The following SPIRE1 variants were observed in gnomAD, a reference collection of about 807,000 sequenced individuals.
SPIRE1 encodes spire type actin nucleation factor 1.
In SPIRE1, 40 loss-of-function variants were observed where a neutral mutation model predicts 94.1. The ratio of observed to expected loss-of-function variants is 0.43; its 90% CI spans 0.33 to 0.55. The LOEUF (loss-of-function observed/expected upper bound fraction) is 0.55, where lower values mean the gene tolerates loss of function less well. SPIRE1 is among the 20% of genes least tolerant of loss of function. SPIRE1 has a pLI of 0.06. For missense variants in SPIRE1, 838 were observed against 975.2 expected (o/e 0.86, Z 1.87); for synonymous variants, 376 against 371.7 (o/e 1.01, Z -0.13).
upstream of SPIRE1, chr18:12,658,879 A>T: frequency 3.5e-6 from 1 of 286,762 alleles, no homozygotes; most frequent in South Asian, 2.9e-5. Context: ...TGCAGGTGTT[A>T]GTTTTAGCGT....
chr18:12,477,626 A>T (rs1379491820), intron 10 of SPIRE1, among the ~76,000 whole-genome samples: 1 of 152,196 alleles, frequency 6.6e-6, no homozygotes, highest in Non-Finnish European at 1.5e-5. Context: ...CAGGGTGTTA[A>T]AGTGTTCCAG....
At chr18:12,633,691 A>C (rs139933591) in intron 2 of SPIRE1, among the ~76,000 whole-genome samples, 2,285 of 152,342 alleles carry the variant, frequency 0.015, 24 homozygotes, top group Non-Finnish European at 0.025. Flanking sequence ...CATTTAAAAC[A>C]ACAGTTAAAA....
chr18:12,529,542 C>A (rs2034626773), intron 4 of SPIRE1, among the ~76,000 whole-genome samples: 1 of 152,120 alleles, frequency 6.6e-6, no homozygotes, highest in African/African-American at 2.4e-5. Flanking sequence ...CTAAGCACCG[C>A]AGGTACAGCC....
chr18:12,457,629 G>A (rs748071295), intron 12 of SPIRE1, among the ~76,000 whole-genome samples: 2 of 151,922 alleles, frequency 1.3e-5, no homozygotes, highest in African/African-American at 2.4e-5. Flanking sequence ...ATCTTAGAGC[G>A]CTTTAATGAA....
intron 6 of SPIRE1, among the ~76,000 whole-genome samples, chr18:12,503,739 T>C (rs2033743380): frequency 8.2e-6 from 1 of 121,878 alleles, no homozygotes; most frequent in African/African-American, 3.3e-5. Context: ...AGAAAGTCCT[T>C]AACACATATA....
At chr18:12,491,031 T>C (rs2033215163) in intron 8 of SPIRE1, among the ~76,000 whole-genome samples, 1 of 152,086 alleles carries the variant, frequency 6.6e-6, no homozygotes, top group African/African-American at 2.4e-5. Flanking sequence ...GAAAACTCCA[T>C]AAAAATTTTT....
intron 4 of SPIRE1, among the ~76,000 whole-genome samples, chr18:12,527,264 T>C (rs959771163): frequency 6.6e-6 from 1 of 152,204 alleles, no homozygotes; most frequent in African/African-American, 2.4e-5. Flanking sequence ...AGTTAAAAAT[T>C]AGGTCTAATT....
intron 6 of SPIRE1, among the ~76,000 whole-genome samples, chr18:12,496,798 G>A (rs1207118158): frequency 6.6e-6 from 1 of 152,196 alleles, no homozygotes; most frequent in Non-Finnish European, 1.5e-5. Context: ...GAACCCAGGA[G>A]GCGGAGCTTG....
At position 12,506,572 on chromosome 18, in the gene SPIRE1, G is replaced by A; in HGVS notation, c.877C>T (p.Gln293Ter). The A allele has an allele frequency of 6.2e-7, 1 of 1,613,992 alleles. No individual in the cohort carries two copies. Among genetic ancestry groups the A allele is most frequent in the Non-Finnish European group, 8.5e-7 (1 of 1,179,924 alleles). ...TATTCAATGGGCAAAGGGTTGTACT[G>A]CCGCTCTTGGACCTTCTTAAGTTTT... Reference protein sequence around the residue: ...GVKLKKVQERQYNPLPIEYQL... With the variant: ...GVKLKKVQER The change falls in exon 6 of 17, where the codon CAG becomes TAG. Residue 293 changes from glutamine to a stop codon, truncating the protein, a stop_gained. Transcript: ENST00000409402. LOFTEE classifies it high-confidence loss of function.
intron 12 of SPIRE1, among the ~76,000 whole-genome samples, chr18:12,461,870 C>T (rs574139873): frequency 6.6e-6 from 1 of 152,112 alleles, no homozygotes; most frequent in Non-Finnish European, 1.5e-5. Context: ...TGGCCTCAGG[C>T]GATTCTCCTC....
At chr18:12,617,807 C>T (rs2037354350) in intron 2 of SPIRE1, among the ~76,000 whole-genome samples, 1 of 152,184 alleles carries the variant, frequency 6.6e-6, no homozygotes, top group African/African-American at 2.4e-5. Context: ...CCACCAGCCT[C>T]AGCCTCCCAA....
intron 2 of SPIRE1, among the ~76,000 whole-genome samples, chr18:12,601,231 C>T (rs112299769): frequency 0.014 from 2,130 of 150,954 alleles, 62 homozygotes; most frequent in African/African-American, 0.049. Context: ...CCAGCCAACA[C>T]GGCAAAACCC....
chr18:12,628,350 G>T (rs2037687425), intron 2 of SPIRE1, among the ~76,000 whole-genome samples: 1 of 152,144 alleles, frequency 6.6e-6, no homozygotes, highest in South Asian at 2.1e-4. Context: ...TCAAAGATCA[G>T]ATGGTTATAG....
At chr18:12,568,778 A>C (rs1379010876) in intron 2 of SPIRE1, among the ~76,000 whole-genome samples, 2 of 152,232 alleles carry the variant, frequency 1.3e-5, no homozygotes, top group Non-Finnish European at 2.9e-5. Flanking sequence ...GCCAAGATAT[A>C]AATTATTTCC....
At chr18:12,643,161 A>C (rs1444574661) in intron 1 of SPIRE1, among the ~76,000 whole-genome samples, 1 of 151,774 alleles carries the variant, frequency 6.6e-6, no homozygotes, top group Non-Finnish European at 1.5e-5. Context: ...AAATGTTTAT[A>C]GCCTGGAGCC....
intron 4 of SPIRE1, among the ~76,000 whole-genome samples, chr18:12,514,329 C>G (rs2034130497): frequency 6.6e-6 from 1 of 152,184 alleles, no homozygotes; most frequent in African/African-American, 2.4e-5. Context: ...CAGCTACTAG[C>G]AGTTACTCTA....
chr18:12,562,701 G>T (rs557882855), intron 2 of SPIRE1, among the ~76,000 whole-genome samples: 1 of 133,768 alleles, frequency 7.5e-6, no homozygotes, highest in East Asian at 2.2e-4. Context: ...GTAGAGAAAG[G>T]GTCTCACTAT....
chr18:12,656,797 A>G, intron 1 of SPIRE1: 1 of 430,748 alleles, frequency 2.3e-6, no homozygotes, highest in Non-Finnish European at 3.1e-6. Flanking sequence ...ACAATGACGT[A>G]ACTAAGGCCC....
In SPIRE1 at chr18:12,658,064, T is replaced by C. The variant is rs2038610418; in HGVS notation, c.-198A>G. On this transcript the variant is annotated 5_prime_UTR_variant, in exon 1 of 17. Coordinates refer to ENST00000409402, the MANE Select transcript of SPIRE1 (RefSeq NM_001128626.2). Reference sequence around the variant, plus strand: ...GAGGGCGGCGAGGACACGGCTGCAGTCCCGGTCAGACAGCCGCCGGCCGGT... The same window carrying C: ...GAGGGCGGCGAGGACACGGCTGCAGCCCCGGTCAGACAGCCGCCGGCCGGT... 1.0e-6 allele frequency: 1 copy of C among 991,894 alleles called. No homozygotes were observed. Among genetic ancestry groups the C allele is most frequent in the African/African-American group, 1.8e-5 (1 of 56,962 alleles). 61.4% of individuals were successfully genotyped at this position (991,894 alleles called of 1,614,324 possible). A position where few individuals can be genotyped will look rare whatever the true frequency, so the allele number is the denominator to read the frequency against.
Sources: allele counts gnomAD v4.1 joint callset (sites outside exome capture counted in the v4.1 genomes callset), GRCh38; gene constraint gnomAD v4.1.1; transcripts MANE v1.5; gene names NCBI Gene and HGNC (gene_info 2026-07-23, HGNC 2026-07-21).